Variants in NCAPH2 observed in about 807,000 individuals in gnomAD.
NCAPH2 encodes non-SMC condensin II complex subunit H2.
A neutral mutation model predicts 88.6 loss-of-function variants in NCAPH2; 56 were observed. The ratio of observed to expected loss-of-function variants is 0.63; its 90% CI spans 0.51 to 0.79. The LOEUF (loss-of-function observed/expected upper bound fraction) is 0.79. Among genes scored for constraint, NCAPH2 ranks in the 30% least tolerant of loss-of-function variants. The pLI, the probability that NCAPH2 is intolerant of heterozygous loss-of-function variation, is 0.00. For synonymous variants in NCAPH2, 378 were observed against 313.6 expected (o/e 1.21, Z -2.17); for missense variants, 794 against 792.0 (o/e 1.00, Z -0.03).
Position 50,524,042 on chromosome 22 carries a change from C to T in NCAPH2, c.*667C>T, listed in dbSNP as rs746981011. 3.1e-6 allele frequency: 5 copies of T among 1,613,520 alleles called. No homozygotes were observed. The highest frequency in any genetic ancestry group is 1.1e-5 in the South Asian group (1 of 91,090). On this transcript the variant is annotated 3_prime_UTR_variant, in exon 20 of 20. Transcript: ENST00000420993. ...TGAGTGAAGCCAAAGTACATCAGCA[C>T]CCACTGGCCCCGGAAGTCAGCCTTG...
At chr22:50,517,288 G>A in intron 2 of NCAPH2, 139 bp from the exon 3 acceptor site, 1 of 866,956 alleles carries the variant, frequency 1.2e-6, no homozygotes, top group Non-Finnish European at 1.9e-6. Flanking sequence ...ATTATTTTTG[G>A]AACCAAAATT....
At chr22:50,510,135 A>G (rs578193569) in intron 1 of NCAPH2, among the ~76,000 whole-genome samples, 1 of 152,196 alleles carries the variant, frequency 6.6e-6, no homozygotes, top group Non-Finnish European at 1.5e-5. Context: ...GTTAGCCAGG[A>G]TGGTCTCGAT....
chr22:50,519,652 C>T (rs1417786412), intron 9 of NCAPH2: 5 of 1,159,792 alleles, frequency 4.3e-6, no homozygotes, highest in Non-Finnish European at 5.3e-6. Context: ...GAGGGAGTGT[C>T]TGGAGGCCAT....
chr22:50,515,187 G>C (rs955812184), intron 1 of NCAPH2, among the ~76,000 whole-genome samples: 5 of 152,202 alleles, frequency 3.3e-5, no homozygotes, highest in African/African-American at 1.2e-4. Context: ...AAGAGTTTGC[G>C]TGGGGACAGC....
Position 50,521,428 on chromosome 22 carries a change from G to A in NCAPH2, c.934-115G>A, listed in dbSNP as rs145545292. 4.5e-4 allele frequency: 488 copies of A among 1,090,712 alleles called. 2 individuals are homozygous for A. In the East Asian group the frequency reaches 0.011, roughly 25 times the overall value. The allele number at this position is 1,090,712 out of a possible 1,614,324, so 67.6% of individuals were successfully genotyped here. A position where few individuals can be genotyped will look rare whatever the true frequency, so the allele number is the denominator to read the frequency against. On this transcript the variant is annotated intron_variant, in intron 10 of 19. Transcript: ENST00000420993. ...CCCCCTACTCCTCCTTTGGGAGCGC[G>A]GCTGTGTACCCCCTACTCTTCCTTT...
In NCAPH2 at chr22:50,523,807, C is replaced by T. The variant is rs1262790618; in HGVS notation, c.*432C>T. 3.1e-6 allele frequency: 5 copies of T among 1,614,134 alleles called. No homozygotes were observed. The highest frequency in any genetic ancestry group is 2.2e-5 in the East Asian group (1 of 44,888). On this transcript the variant is annotated 3_prime_UTR_variant, in exon 20 of 20. Coordinates refer to ENST00000420993, the MANE Select transcript of NCAPH2 (RefSeq NM_152299.4). ...ATTGTAGTACACGCGGTAACTGTGA[C>T]TAGCCTGGGCAACCTGTTTGGTGGA...
intron 1 of NCAPH2, among the ~76,000 whole-genome samples, chr22:50,511,965 T>A (rs1426129001): frequency 6.6e-6 from 1 of 152,054 alleles, no homozygotes; most frequent in Non-Finnish European, 1.5e-5. Flanking sequence ...TTTTTGTATT[T>A]TTAGTAGAGA....
Position 50,518,151 on chromosome 22 carries a change from G to A in NCAPH2, c.519G>A (p.Leu173=), listed in dbSNP as rs763837851. 18 of 1,614,090 alleles carry A rather than the reference G, an allele frequency of 1.1e-5. No homozygotes were observed. Among genetic ancestry groups the A allele is most frequent in the Non-Finnish European group, 1.5e-5 (18 of 1,179,996 alleles). ...NPLYSRQGEV[L]ASRKDFRMNT... The stretch of plus-strand genomic sequence containing the variant: ...AGCACAGCCGTCAGGGTGAGGTCCT[G>A]GCCAGCCGGAAGGATTTCAGGATGA... Residue 173 remains leucine (L), a synonymous_variant, in exon 7 of 20, where the codon CTG becomes CTA. Coordinates refer to ENST00000420993, the MANE Select transcript of NCAPH2 (RefSeq NM_152299.4).
chr22:50,508,482 C>CGGGGG, intron 1 of NCAPH2, 37 bp downstream of exon 1: 1 of 131,352 alleles, frequency 7.6e-6, no homozygotes, highest in Non-Finnish European at 1.5e-5. Flanking sequence ...GGTGGGCCGG[C>CGGGGG]GGGTGGGGCT....
Position 50,522,911 on chromosome 22 carries a change from C to T in NCAPH2, c.1516C>T (p.Leu506Phe), listed in dbSNP as rs770386497. The T allele has an allele frequency of 1.2e-6, 2 of 1,613,286 alleles. No homozygotes were observed. Among genetic ancestry groups the T allele is most frequent in the South Asian group, 1.1e-5 (1 of 91,090 alleles). ...RDWEDTVQPL[L>F]QEQEQHVPFD... is the part of the protein sequence containing the mutation. Reference sequence around the variant, plus strand: ...CTGGGAGGACACAGTGCAGCCTCTGCTCCAGGAGCAGGTGAGGCGGGGCCG... The same window carrying T: ...CTGGGAGGACACAGTGCAGCCTCTGTTCCAGGAGCAGGTGAGGCGGGGCCG... The change falls in exon 18 of 20, where the codon CTC (leucine) becomes TTC (phenylalanine). Residue 506 changes from leucine to phenylalanine, a missense_variant. Leu to Phe is a conservative substitution (Grantham distance 22). Coordinates refer to ENST00000420993, the MANE Select transcript of NCAPH2 (RefSeq NM_152299.4).
At chr22:50,516,388 G>T (rs1255715667) in intron 1 of NCAPH2, 59 bp from the exon 2 acceptor site, 15 of 1,548,504 alleles carry the variant, frequency 9.7e-6, no homozygotes, top group East Asian at 2.3e-5. Context: ...GGCTGCCCTG[G>T]AAGAAGCGAG....
In NCAPH2 at chr22:50,518,006, C is replaced by T. The variant is rs746405207; in HGVS notation, c.454C>T (p.Leu152=). 1 of 1,614,006 alleles carries T rather than the reference C, an allele frequency of 6.2e-7. No individual in the cohort carries two copies. Among genetic ancestry groups the T allele is most frequent in the South Asian group, 1.1e-5 (1 of 91,060 alleles). Reference sequence around the variant, plus strand: ...CATCATCCCCCTCCTGCCCATGGCCCTGGTGGCCCCTGATGAAATGGAGAA... The same window carrying T: ...CATCATCCCCCTCCTGCCCATGGCCTTGGTGGCCCCTGATGAAATGGAGAA... ...VLIIPLLPMA[L]VAPDEMEKNN... Residue 152 remains leucine (L), a synonymous_variant, in exon 6 of 20, where the codon CTG becomes TTG. Transcript: ENST00000420993.
chr22:50,510,360 CA>C (rs1377316228), intron 1 of NCAPH2, among the ~76,000 whole-genome samples: 2 of 152,034 alleles, frequency 1.3e-5, no homozygotes, highest in African/African-American at 4.8e-5. Flanking sequence ...CTCAGCTTCT[CA>C]GGTAGCTGGG....
rs761057612 is a variant in NCAPH2, at chr22:50,518,640, C to G, written c.647-9C>G. On this transcript the variant is annotated splice_polypyrimidine_tract_variant and intron_variant, in intron 7 of 19. Transcript: ENST00000420993. ...TGGGCTGACCTTGTCTGATCCCTGTCTCTCCCAGACACCGGGAGGACTGAG... is the reference window on the plus strand; with the variant it reads ...TGGGCTGACCTTGTCTGATCCCTGTGTCTCCCAGACACCGGGAGGACTGAG... 1.6e-5 allele frequency: 25 copies of G among 1,600,604 alleles called. No homozygotes were observed.
intron 9 of NCAPH2, 106 bp from the exon 10 acceptor site, chr22:50,520,859 G>A (rs1327255528): frequency 3.8e-5 from 50 of 1,322,498 alleles, no homozygotes; most frequent in African/African-American, 2.9e-5. Flanking sequence ...CACCACGCCC[G>A]ACCCTTGTAG....
At chr22:50,508,510 G>A in intron 1 of NCAPH2, 65 bp downstream of exon 1, 1 of 951,218 alleles carries the variant, frequency 1.1e-6, no homozygotes, top group Non-Finnish European at 1.4e-6. Context: ...GGGGGCTCCG[G>A]GCCCGGGGCT....
In NCAPH2 at chr22:50,523,779, T is replaced by G. The variant is rs12148; in HGVS notation, c.*404T>G. ...AGTCCTGGTCCTCATCCTTGGGGCC[T>G]GCATTGTAGTACACGCGGTAACTGT... On this transcript the variant is annotated 3_prime_UTR_variant, in exon 20 of 20. Transcript: ENST00000420993. 0.62 allele frequency: 1,007,605 copies of G among 1,613,942 alleles called. 315,695 individuals carry two copies. The highest frequency in any genetic ancestry group is 0.72 in the East Asian group (32,198 of 44,876).
At chr22:50,518,514 TCC>T in intron 7 of NCAPH2, 133 bp from the exon 8 acceptor site, 1 of 1,059,936 alleles carries the variant, frequency 9.4e-7, no homozygotes, top group Non-Finnish European at 1.3e-6. Context: ...CCCTGCTGTC[TCC>T]CCCCAGCCCA....
At chr22:50,518,446 T>C (rs11913744) in intron 7 of NCAPH2, among the ~76,000 whole-genome samples, 168 bp downstream of exon 7, 4,469 of 152,208 alleles carry the variant, frequency 0.029, 221 homozygotes, top group African/African-American at 0.1. Context: ...CCATCTGCTG[T>C]GCCTTGATTA....
Sources: gnomAD v4.1 joint callset for allele counts (sites outside exome capture counted in the v4.1 genomes callset) on GRCh38, gnomAD v4.1.1 for gene constraint, MANE v1.5 for transcripts, NCBI Gene and HGNC (gene_info 2026-07-23, HGNC 2026-07-21) for gene names.